DPP6: variants seen among roughly 807,000 people sequenced by gnomAD.
DPP6 encodes the protein dipeptidyl peptidase like 6.
Under a neutral mutation model 122.6 loss-of-function variants are expected in DPP6, and 69 were observed. The observed-to-expected ratio is 0.56, with a 90% CI of 0.46 to 0.69. The LOEUF (loss-of-function observed/expected upper bound fraction) is 0.69, where lower values mean the gene tolerates loss of function less well. Among genes scored for constraint, DPP6 ranks in the 30% least tolerant of loss-of-function variants. DPP6 has a pLI of 0.00. For synonymous variants in DPP6, 418 were observed against 433.1 expected, an observed-to-expected ratio of 0.97 and a Z score of 0.43; for missense variants, 928 against 1,116.9, an observed-to-expected ratio of 0.83 and a Z score of 2.41.
intron 1 of DPP6, among the ~76,000 whole-genome samples, chr7:154,409,307 G>C (rs10229243): frequency 2.7e-3 from 408 of 152,274 alleles, no homozygotes; most frequent in African/African-American, 9.3e-3. Context: ...ACAGAGAAAA[G>C]ACCATGAAAG....
intron 1 of DPP6, among the ~76,000 whole-genome samples, chr7:154,005,296 G>T (rs918693629): frequency 2.0e-5 from 3 of 152,198 alleles, no homozygotes; most frequent in African/African-American, 7.2e-5. Flanking sequence ...AAGTTGGCTG[G>T]TCCTATCCAG....
chr7:154,587,795 G>T, intron 5 of DPP6: 1 of 1,612,246 alleles, frequency 6.2e-7, no homozygotes, highest in South Asian at 1.1e-5. Context: ...CACTGCCTGC[G>T]TGACTATGTC....
intron 1 of DPP6, among the ~76,000 whole-genome samples, chr7:154,320,484 T>TGTTG (rs11456801): frequency 2.6e-5 from 4 of 151,584 alleles, no homozygotes; most frequent in Middle Eastern, 3.2e-3. Flanking sequence ...TGTTTTTTTT[T>TGTTG]TTGTTGTTGT....
chr7:153,933,024 G>A (rs945063289), intron 1 of DPP6, among the ~76,000 whole-genome samples: 12 of 152,222 alleles, frequency 7.9e-5, no homozygotes, highest in South Asian at 6.2e-4. Flanking sequence ...CTTGCCTGCC[G>A]CCATGTAAGA....
At chr7:153,871,472 G>A in the DPP6 span, among the ~76,000 whole-genome samples, 1 of 152,190 alleles carries the variant, frequency 6.6e-6, no homozygotes, top group African/African-American at 2.4e-5. Flanking sequence ...ATAATCTCCT[G>A]GTGTATGGTT....
At chr7:153,898,443 C>A (rs983610241) in intron 1 of DPP6, among the ~76,000 whole-genome samples, 50 of 152,112 alleles carry the variant, frequency 3.3e-4, no homozygotes, top group African/African-American at 1.2e-3. Context: ...CAGAGTGAGA[C>A]CTTGTCTGTA....
At chr7:154,256,143 G>T (rs1293519692) in intron 1 of DPP6, among the ~76,000 whole-genome samples, 1 of 152,176 alleles carries the variant, frequency 6.6e-6, no homozygotes, top group East Asian at 1.9e-4. Context: ...TTTGATTAAA[G>T]TCTGACTATA....
rs1031656214 is a variant in DPP6, at chr7:154,760,776, A to G, written c.884-8641A>G. On this transcript the variant is annotated intron_variant, in intron 8 of 25. Transcript: ENST00000377770. This position sits in a 1 kb window ranked among gnomAD's most constrained non-coding sequence, Gnocchi z 4.5. ...CACAAATGAAGAGGAAAGAGAGAAG[A>G]CAAAACAAAAAGAAGGGTAAAGGAG... 2.0e-5 allele frequency among the ~76,000 whole-genome samples: 3 copies of G among 152,114 alleles called. No homozygotes were observed. The highest frequency in any genetic ancestry group is 2.9e-5 in the Non-Finnish European group (2 of 68,024).
intron 1 of DPP6, among the ~76,000 whole-genome samples, chr7:154,244,165 A>G (rs1413050937): frequency 6.6e-6 from 1 of 152,170 alleles, no homozygotes; most frequent in Non-Finnish European, 1.5e-5. Flanking sequence ...GAGAGAAAAG[A>G]CACGTTATAT....
intron 1 of DPP6, among the ~76,000 whole-genome samples, chr7:153,973,355 G>T (rs149433864): frequency 6.6e-6 from 1 of 152,162 alleles, no homozygotes; most frequent in African/African-American, 2.4e-5. Context: ...GTCTAGAAAG[G>T]TTAAGCCGTT....
Position 154,034,433 on chromosome 7 carries a change from C to A in DPP6, c.51+146699C>A, listed in dbSNP as rs185014559. Among the ~76,000 whole-genome samples the A allele has an allele frequency of 7.0e-3, 1,068 of 152,262 alleles. 13 individuals carry two copies. Among genetic ancestry groups the A allele is most frequent in the African/African-American group, 0.024 (1,014 of 41,550 alleles). Reference sequence around the variant, plus strand: ...GGATCCTTCCCATGCCTTTATCCCCCCTCTGCACACCTCACATAGTGTCAT... The same window carrying A: ...GGATCCTTCCCATGCCTTTATCCCCACTCTGCACACCTCACATAGTGTCAT... On this transcript the variant is annotated intron_variant, in intron 1 of 25. Transcript: ENST00000404039.
chr7:154,549,822 A>G (rs1286248718), intron 4 of DPP6, among the ~76,000 whole-genome samples: 1 of 152,170 alleles, frequency 6.6e-6, no homozygotes, highest in Non-Finnish European at 1.5e-5. Context: ...TGAATAATGA[A>G]TCAACCTCCA....
rs368362408 is a variant in DPP6 at position 154,463,195 on chromosome 7, CTTTTTTTTTTTT to C, written c.359-11725_359-11714del. ...GCTTTTTACCTTTACTTCTCCTTTT[CTTTTTTTTTTTT>C]TTTTTTTTTTTTTTTTTTGAGACGG... On this transcript the variant is annotated intron_variant, in intron 2 of 25. Transcript: ENST00000377770. Among the ~76,000 whole-genome samples, 61 of 84,136 alleles carry C rather than the reference CTTTTTTTTTTTT, an allele frequency of 7.3e-4. 1 individual carries two copies. In the East Asian group the frequency reaches 0.011, roughly 16 times the overall value. 55.2% of individuals were successfully genotyped at this position (84,136 alleles called of 152,430 possible). A position where few individuals can be genotyped will look rare whatever the true frequency, so the allele number is the denominator to read the frequency against.
intron 1 of DPP6, among the ~76,000 whole-genome samples, chr7:154,019,835 A>G (rs966575958): frequency 6.6e-6 from 1 of 152,186 alleles, no homozygotes; most frequent in African/African-American, 2.4e-5. Context: ...ATGGCCAGTA[A>G]CCATAACAGA....
chr7:153,956,113 G>A (rs1005810434), intron 1 of DPP6, among the ~76,000 whole-genome samples: 2 of 152,214 alleles, frequency 1.3e-5, no homozygotes, highest in Non-Finnish European at 2.9e-5. Flanking sequence ...CGAGCCAAGG[G>A]TAGACCCAAT....
At chr7:154,542,945 T>A (rs868123748) in intron 4 of DPP6, among the ~76,000 whole-genome samples, 21 of 152,318 alleles carry the variant, frequency 1.4e-4, no homozygotes, top group Admixed American at 5.2e-4. Flanking sequence ...AGAACCTGGG[T>A]ACTCTGTGAG....
chr7:154,175,258 A>G (rs1452066712), intron 1 of DPP6, among the ~76,000 whole-genome samples: 3 of 152,010 alleles, frequency 2.0e-5, no homozygotes, highest in Non-Finnish European at 4.4e-5. Context: ...TACCTGGCAA[A>G]AGAGACTTTG....
intron 1 of DPP6, among the ~76,000 whole-genome samples, chr7:154,343,018 C>T (rs1370983666): frequency 6.6e-6 from 1 of 152,218 alleles, no homozygotes; most frequent in Non-Finnish European, 1.5e-5. Flanking sequence ...CATCTCGCCG[C>T]TAACCAAGGT....
intron 1 of DPP6, among the ~76,000 whole-genome samples, chr7:153,992,313 T>C (rs1797217905): frequency 6.6e-6 from 1 of 152,274 alleles, no homozygotes; most frequent in South Asian, 2.1e-4. Context: ...CTTACTTCAC[T>C]GGGCTTCCTT....
Sources: gnomAD v4.1 joint callset for allele counts (sites outside exome capture counted in the v4.1 genomes callset) on GRCh38, gnomAD v4.1.1 for gene constraint, Gnocchi (gnomAD v3.1) non-coding constraint, MANE v1.5 for transcripts, NCBI Gene and HGNC (gene_info 2026-07-23, HGNC 2026-07-21) for gene names.